The following ITPR2 variants were observed in gnomAD, a reference collection of about 807,000 sequenced individuals.
ITPR2 encodes inositol 1,4,5-trisphosphate-gated calcium channel ITPR2.
ITPR2 carries 207 observed loss-of-function variants against 317.1 expected under a neutral mutation model. That is an observed-to-expected ratio of 0.65 (90% CI 0.58 to 0.73). ITPR2 has a LOEUF of 0.73. ITPR2 is among the 30% of genes least tolerant of loss of function. The pLI, the probability that ITPR2 is intolerant of heterozygous loss-of-function variation, is 0.00. For missense variants in ITPR2, 2,613 were observed against 3,284.0 expected, an observed-to-expected ratio of 0.80 and a Z score of 4.99; for synonymous variants, 1,156 against 1,149.1, an observed-to-expected ratio of 1.01 and a Z score of -0.12.
intron 45 of ITPR2, among the ~76,000 whole-genome samples, chr12:26,474,898 A>G (rs969310326): frequency 6.6e-6 from 1 of 152,116 alleles, no homozygotes; most frequent in African/African-American, 2.4e-5. Context: ...CTACAATTCA[A>G]GGAGGCCAGA....
intron 40 of ITPR2, 128 bp downstream of exon 40, chr12:26,486,940 G>C: frequency 1.1e-6 from 1 of 949,192 alleles, no homozygotes; most frequent in Non-Finnish European, 1.7e-6. Context: ...AATTCTTTAT[G>C]GATGATCAGA....
intron 9 of ITPR2, among the ~76,000 whole-genome samples, chr12:26,707,705 T>A (rs1011971516): frequency 6.6e-6 from 1 of 152,114 alleles, no homozygotes; most frequent in Admixed American, 6.5e-5. Context: ...GGCTAATTAT[T>A]GTATTTTTGT....
At chr12:26,543,823 T>A (rs1287085134) in intron 37 of ITPR2, among the ~76,000 whole-genome samples, 1 of 151,818 alleles carries the variant, frequency 6.6e-6, no homozygotes, top group East Asian at 2.0e-4. Flanking sequence ...TTCCTTCTCT[T>A]CTCTTTCCCT....
chr12:26,552,054 G>T (rs1304203481), intron 36 of ITPR2, among the ~76,000 whole-genome samples: 1 of 152,224 alleles, frequency 6.6e-6, no homozygotes, highest in Non-Finnish European at 1.5e-5. Context: ...GAGGTTGGGT[G>T]AGGACGTACG....
intron 15 of ITPR2, among the ~76,000 whole-genome samples, chr12:26,663,127 T>G (rs1947540026): frequency 6.6e-6 from 1 of 152,314 alleles, no homozygotes; most frequent in Non-Finnish European, 1.5e-5. Flanking sequence ...TCTCACTTCA[T>G]AGATCTCTCT....
chr12:26,371,379 T>G (rs2136599059), intron 55 of ITPR2, among the ~76,000 whole-genome samples: 1 of 152,254 alleles, frequency 6.6e-6, no homozygotes, highest in African/African-American at 2.4e-5. Context: ...TTAAGACCCT[T>G]TGGGTTTCAG....
chr12:26,508,061 C>T (rs2136907822), intron 37 of ITPR2, among the ~76,000 whole-genome samples: 1 of 152,242 alleles, frequency 6.6e-6, no homozygotes, highest in Admixed American at 6.5e-5. Flanking sequence ...AAACACTGAG[C>T]AAGCACATCT....
At chr12:26,601,400 T>C (rs1945995751) in intron 28 of ITPR2, among the ~76,000 whole-genome samples, 1 of 152,122 alleles carries the variant, frequency 6.6e-6, no homozygotes, top group African/African-American at 2.4e-5. Context: ...CAAATGGAAA[T>C]GGGGCCTCTT....
chr12:26,775,959 T>TATATATATACA (rs1263788006), intron 2 of ITPR2, among the ~76,000 whole-genome samples: 1 of 145,090 alleles, frequency 6.9e-6, no homozygotes, highest in African/African-American at 2.5e-5. Flanking sequence ...TATATGTATA[T>TATATATATACA]CCTATTAGTT....
Position 26,602,636 on chromosome 12 carries a change from T to A in ITPR2, c.3533A>T (p.Asn1178Ile). Residue 1178 changes from asparagine (N) to isoleucine (I), a missense_variant, in exon 27 of 57, where the codon AAC becomes ATC. By Grantham distance (149) the Asn-to-Ile change is moderately radical (BLOSUM62 -3). This residue lies in a region of ITPR2 where 817 missense variants were observed against 897.6 expected (regional missense o/e 0.91). Transcript: ENST00000381340. ...KPQIDSNKSNNYRIVKEILIR... is the reference protein window; with the variant it reads ...KPQIDSNKSNIYRIVKEILIR... ...GCCGACCTCCTTTACAATCCGGTAG[T>A]TATTGCTCTTGTTGCTGTCAATCTG... The A allele has an allele frequency of 1.2e-6, 2 of 1,610,610 alleles. No homozygotes were observed. Among genetic ancestry groups the A allele is most frequent in the African/African-American group, 1.3e-5 (1 of 75,030 alleles).
chr12:26,784,335 C>G (rs1399693669), intron 2 of ITPR2, among the ~76,000 whole-genome samples: 2 of 50,304 alleles, frequency 4.0e-5, no homozygotes, highest in African/African-American at 1.0e-4. Flanking sequence ...CCCTCTCCCT[C>G]TCCCTCTCCC....
chr12:26,589,860 AC>A (rs1945654843), intron 32 of ITPR2, among the ~76,000 whole-genome samples: 1 of 30,088 alleles, frequency 3.3e-5, no homozygotes, highest in Non-Finnish European at 1.3e-4. Flanking sequence ...ATATACACAC[AC>A]ACACACACAC....
intron 26 of ITPR2, among the ~76,000 whole-genome samples, chr12:26,605,921 T>C (rs1946118957): frequency 6.6e-6 from 1 of 152,222 alleles, no homozygotes; most frequent in African/African-American, 2.4e-5. Context: ...TTGAGAAATA[T>C]GTAAACTATA....
At chr12:26,605,126 A>AAAAAAATATATATATATATATATAT (rs1555165395) in intron 26 of ITPR2, among the ~76,000 whole-genome samples, 5 of 136,308 alleles carry the variant, frequency 3.7e-5, no homozygotes, top group Non-Finnish European at 6.4e-5. Flanking sequence ...AAAAAATAAA[A>AAAAAAATATATATATATATATATAT]ATATATATAT....
chr12:26,541,645 G>T (rs1944265456), intron 37 of ITPR2, among the ~76,000 whole-genome samples: 2 of 152,150 alleles, frequency 1.3e-5, no homozygotes, highest in African/African-American at 4.8e-5. Flanking sequence ...AGATGTGAAT[G>T]ATTCTATACA....
At chr12:26,365,302 G>A (rs1331329743) in intron 55 of ITPR2, among the ~76,000 whole-genome samples, 1 of 152,150 alleles carries the variant, frequency 6.6e-6, no homozygotes, top group African/African-American at 2.4e-5. Context: ...AATTTTTAAC[G>A]TAAGAGTAGG....
intron 26 of ITPR2, among the ~76,000 whole-genome samples, chr12:26,613,994 G>C (rs886169117): frequency 6.6e-6 from 1 of 152,134 alleles, no homozygotes; most frequent in African/African-American, 2.4e-5. Context: ...AAGTTCCAAA[G>C]CATGTGGGTT....
Position 26,690,056 on chromosome 12 carries a change from T to C in ITPR2, c.997-3424A>G, listed in dbSNP as rs139430915. ...GCACACTGAGTGTTGTAAATACATG[T>C]GAGAGAAGACTGCCTCGGAATATAA... is the stretch of plus-strand genomic sequence containing the variant. On this transcript the variant is annotated intron_variant, in intron 10 of 56. Coordinates refer to ENST00000381340, the MANE Select transcript of ITPR2 (RefSeq NM_002223.4). 4.6e-4 allele frequency among the ~76,000 whole-genome samples: 70 copies of C among 152,248 alleles called. 1 individual carries two copies. The East Asian group carries it at 0.013, about 29-fold the overall frequency.
chr12:26,342,751 AG>A (rs1457363232), intron 55 of ITPR2, among the ~76,000 whole-genome samples: 1 of 152,106 alleles, frequency 6.6e-6, no homozygotes, highest in Admixed American at 6.5e-5. Context: ...CTGGGATTAT[AG>A]GTGTGCGCCA....
Sources: gnomAD v4.1 joint callset for allele counts (sites outside exome capture counted in the v4.1 genomes callset) on GRCh38, gnomAD v4.1.1 for gene constraint, gnomAD v4.1.1 regional missense constraint, MANE v1.5 for transcripts, NCBI Gene and HGNC (gene_info 2026-07-23, HGNC 2026-07-21) for gene names.